PRB2: variants seen among roughly 807,000 people sequenced by gnomAD.
PRB2 encodes basic salivary proline-rich protein 2.
PRB2 carries 12 observed loss-of-function variants against 8.3 expected under a neutral mutation model. The ratio of observed to expected loss-of-function variants is 1.45; its 90% CI spans 0.93 to 2.35. The LOEUF (loss-of-function observed/expected upper bound fraction) is 2.35, where lower values mean the gene tolerates loss of function less well. Among genes scored for constraint, PRB2 ranks in the 30% most tolerant of loss-of-function variants. The pLI is 0.00. For missense variants in PRB2, 470 were observed against 507.0 expected (o/e 0.93, Z 0.70); for synonymous variants, 146 against 180.0 (o/e 0.81, Z 1.51).
Position 11,395,554 on chromosome 12 carries a change from C to G in PRB2, c.-25G>C. On this transcript the variant is annotated 5_prime_UTR_variant, in exon 1 of 4. Transcript: ENST00000389362. ...TCTTGCAGGAGGCTCTGGAGTCACT[C>G]CCAACTCTGTGCTGGGAGGAACGTG... The G allele has an allele frequency of 6.2e-7, 1 of 1,606,360 alleles. No individual in the cohort carries two copies. The highest frequency in any genetic ancestry group is 8.5e-7 in the Non-Finnish European group (1 of 1,174,184).
chr12:11,395,070 G>A (rs1864388731), intron 1 of PRB2, among the ~76,000 whole-genome samples: 1 of 152,110 alleles, frequency 6.6e-6, no homozygotes, highest in Admixed American at 6.6e-5. Context: ...CTCTGATACT[G>A]TGTGTGTCTA....
In PRB2 at chr12:11,393,584, T is replaced by C. The variant is rs1179804194; in HGVS notation, c.494A>G (p.Gln165Arg). 1.3e-6 allele frequency: 2 copies of C among 1,585,736 alleles called. No individual in the cohort carries two copies. The highest frequency in any genetic ancestry group is 2.9e-5 in the African/African-American group (2 of 68,028). Reference sequence around the variant, plus strand: ...AGAACTTCGGGACTTGTTGTCTCCTTGTGGGGGTGGTCCTTGTGGCTTTCC... The same window carrying C: ...AGAACTTCGGGACTTGTTGTCTCCTCGTGGGGGTGGTCCTTGTGGCTTTCC... ...PPGKPQGPPP[Q>R]GDNKSRSSRS... Residue 165 changes from glutamine (Q) to arginine (R), a missense_variant, in exon 3 of 4, where the codon CAA becomes CGA. Physicochemically the swap from Gln to Arg is conservative, Grantham distance 43 (BLOSUM62 1). This residue lies in a region of PRB2 where 211 missense variants were observed against 207.7 expected (regional missense o/e 1.02). Transcript: ENST00000389362.
chr12:11,393,558 G>A lies in PRB2; in HGVS notation c.520C>T (p.Arg174Ter), dbSNP rs755026575. ...CCTTGTGGCTTTCCTGGAGGAGATCGAGAACTTCGGGACTTGTTGTCTCCT... is the reference window on the plus strand; with the variant it reads ...CCTTGTGGCTTTCCTGGAGGAGATCAAGAACTTCGGGACTTGTTGTCTCCT... ...PQGDNKSRSS[R>*]SPPGKPQGPP... The change falls in exon 3 of 4, where the codon CGA (arginine) becomes TGA (stop). Residue 174 changes from arginine (R) to a stop codon, truncating the protein, a stop_gained. Transcript: ENST00000389362. LOFTEE classifies it low-confidence loss of function (END_TRUNC). 11 of 1,595,512 alleles carry A rather than the reference G, an allele frequency of 6.9e-6. No individual in the cohort carries two copies. Among genetic ancestry groups the A allele is most frequent in the East Asian group, 2.3e-5 (1 of 44,030 alleles).
intron 1 of PRB2, 84 bp downstream of exon 1, chr12:11,395,382 A>C: frequency 2.5e-6 from 4 of 1,571,752 alleles, no homozygotes; most frequent in Admixed American, 1.7e-5. Flanking sequence ...CTGTGTTTTC[A>C]TTCTCCTCTC....
chr12:11,393,186 G>C lies in PRB2; in HGVS notation c.892C>G (p.Arg298Gly), dbSNP rs370037117. The change falls in exon 3 of 4, where the codon CGA becomes GGA. Residue 298 changes from arginine to glycine, a missense_variant. By Grantham distance (125) the Arg-to-Gly change is moderately radical (BLOSUM62 -2). Transcript: ENST00000389362. ...CCTTGTGGCTTTCCTGGAGGAGATC[G>C]AGAACTTCGGGACTTGCTGCCTCCT... ...PQGGSKSRSS[R>G]SPPGKPQGPP... 19 of 1,596,008 alleles carry C rather than the reference G, an allele frequency of 1.2e-5. No homozygotes were observed. Among genetic ancestry groups the C allele is most frequent in the Non-Finnish European group, 8.5e-7 (1 of 1,175,422 alleles).
chr12:11,393,330 C>T lies in PRB2; in HGVS notation c.748G>A (p.Gly250Ser), dbSNP rs201541414. Reference sequence around the variant, plus strand: ...GGTGGGGGACCTTGGGGCTGGTTGCCTCCTTGTGGGGGTGGTCCTTGTGGC... The same window carrying T: ...GGTGGGGGACCTTGGGGCTGGTTGCTTCCTTGTGGGGGTGGTCCTTGTGGC... Reference protein sequence around the residue: ...GKPQGPPPQGGNQPQGPPPPP... With the variant: ...GKPQGPPPQGSNQPQGPPPPP... Residue 250 changes from glycine to serine, a missense_variant, in exon 3 of 4, where the codon GGC becomes AGC. Physicochemically the swap from Gly to Ser is moderately conservative, Grantham distance 56. Coordinates refer to ENST00000389362, the MANE Select transcript of PRB2 (RefSeq NM_006248.4). 44 of 1,562,414 alleles carry T rather than the reference C, an allele frequency of 2.8e-5. 1 individual carries two copies. In the African/African-American group the frequency reaches 6.0e-4, roughly 21 times the overall value.
In PRB2 at chr12:11,395,542, T is replaced by C. The variant is rs755788448; in HGVS notation, c.-13A>G. Reference sequence around the variant, plus strand: ...GAATCAACAGCATCTTGCAGGAGGCTCTGGAGTCACTCCCAACTCTGTGCT... The same window carrying C: ...GAATCAACAGCATCTTGCAGGAGGCCCTGGAGTCACTCCCAACTCTGTGCT... On this transcript the variant is annotated 5_prime_UTR_variant, in exon 1 of 4. Transcript: ENST00000389362. 2.2e-5 allele frequency: 35 copies of C among 1,611,200 alleles called. No homozygotes were observed. The highest frequency in any genetic ancestry group is 3.0e-5 in the Non-Finnish European group (35 of 1,178,370).
At position 11,393,581 on chromosome 12, in the gene PRB2, C is replaced by G. The variant is rs770351255; in HGVS notation, c.497G>C (p.Gly166Ala). 1.9e-6 allele frequency: 3 copies of G among 1,588,758 alleles called. No homozygotes were observed. The highest frequency in any genetic ancestry group is 1.5e-5 in the African/African-American group (1 of 68,672). ...TCGAGAACTTCGGGACTTGTTGTCT[C>G]CTTGTGGGGGTGGTCCTTGTGGCTT... Reference protein sequence around the residue: ...PGKPQGPPPQGDNKSRSSRSP... With the variant: ...PGKPQGPPPQADNKSRSSRSP... Residue 166 changes from glycine (G) to alanine (A), a missense_variant, in exon 3 of 4, where the codon GGA (glycine) becomes GCA (alanine). By Grantham distance (60) the Gly-to-Ala change is moderately conservative. This residue lies in a region of PRB2 where 211 missense variants were observed against 207.7 expected (regional missense o/e 1.02). Coordinates refer to ENST00000389362, the MANE Select transcript of PRB2 (RefSeq NM_006248.4).
rs1376570384 is a variant in PRB2, at chr12:11,395,378, T to C, written c.64+88A>G. ...GAAAACTCTGCAGCCCCATCTGTGT[T>C]TTCATTCTCCTCTCTTCCCCGTAAT... On this transcript the variant is annotated intron_variant, in intron 1 of 3. Transcript: ENST00000389362. The C allele has an allele frequency of 3.8e-6, 6 of 1,563,240 alleles. No individual in the cohort carries two copies. In the African/African-American group the frequency reaches 6.8e-5, roughly 18 times the overall value.
At chr12:11,394,551 G>T (rs755522364) in intron 1 of PRB2, 21 bp from the exon 2 acceptor site, 5 of 1,612,422 alleles carry the variant, frequency 3.1e-6, no homozygotes, top group Non-Finnish European at 4.2e-6. Context: ...AGCACAGGAT[G>T]ATGGGAACAG....
intron 2 of PRB2, 77 bp downstream of exon 2, chr12:11,394,418 A>G (rs1203208272): frequency 3.3e-6 from 5 of 1,523,336 alleles, no homozygotes; most frequent in African/African-American, 1.4e-5. Flanking sequence ...AGTTTTGATA[A>G]GAAGACACTG....
chr12:11,393,354 G>T lies in PRB2; in HGVS notation c.724C>A (p.Pro242Thr), dbSNP rs533504091. The T allele has an allele frequency of 5.0e-6, 8 of 1,589,272 alleles. No homozygotes were observed. Among genetic ancestry groups the T allele is most frequent in the South Asian group, 1.1e-5 (1 of 89,780 alleles). ...CCTCCTTGTGGGGGTGGTCCTTGTG[G>T]CTTTCCTGGAGGAGATCGGGCACTT... is the stretch of plus-strand genomic sequence containing the variant. ...SQSARSPPGK[P>T]QGPPPQGGNQ... The change falls in exon 3 of 4, where the codon CCA (proline) becomes ACA (threonine). Residue 242 changes from proline to threonine, a missense_variant. Physicochemically the swap from Pro to Thr is conservative, Grantham distance 38. This residue lies in a region of PRB2 where 205 missense variants were observed against 195.0 expected (regional missense o/e 1.05). Coordinates refer to ENST00000389362, the MANE Select transcript of PRB2 (RefSeq NM_006248.4).
chr12:11,394,094 A>G (rs1395959550), intron 2 of PRB2, 117 bp from the exon 3 acceptor site: 1 of 1,366,664 alleles, frequency 7.3e-7, no homozygotes, highest in Admixed American at 1.9e-5. Flanking sequence ...ACACACAAAA[A>G]TGAGACCAAG....
rs768086724 is a variant in PRB2 at position 11,393,437 on chromosome 12, C to A, written c.641G>T (p.Gly214Val). 2 of 1,310,020 alleles carry A rather than the reference C, an allele frequency of 1.5e-6. No homozygotes were observed. The highest frequency in any genetic ancestry group is 2.7e-5 in the South Asian group (2 of 74,432). The allele number at this position is 1,310,020 out of a possible 1,614,324, so 81.1% of individuals were successfully genotyped here. A position where few individuals can be genotyped will look rare whatever the true frequency, so the allele number is the denominator to read the frequency against. Residue 214 changes from glycine (G) to valine (V), a missense_variant, in exon 3 of 4, where the codon GGT (glycine) becomes GTT (valine). Transcript: ENST00000389362. Reference protein sequence around the residue: ...PPPQGGNKPQGPPPPGKPQGP... With the variant: ...PPPQGGNKPQVPPPPGKPQGP... The stretch of plus-strand genomic sequence containing the variant: ...TTGTGGCTTTCCTGGAGGTGGGGGA[C>A]CTTGAGGTTTGTTGCCTCCTTGTGG...
chr12:11,394,165 A>G (rs999592182), intron 2 of PRB2, among the ~76,000 whole-genome samples, 188 bp from the exon 3 acceptor site: 1 of 152,200 alleles, frequency 6.6e-6, no homozygotes, highest in Non-Finnish European at 1.5e-5. Context: ...GCCAGGGAAG[A>G]ACAAAGCAGT....
Position 11,392,913 on chromosome 12 carries a change from G to A in PRB2, c.1165C>T (p.Gln389Ter). ...GPPPPAGGNP[Q>*]QPQAPPAGQP... ...CCAGCAGGAGGTGCCTGAGGCTGCT[G>A]GGGATTGCCTCCTGCTGGAGGTGGG... Residue 389 changes from glutamine to a stop codon, truncating the protein, a stop_gained, in exon 3 of 4, where the codon CAG (glutamine) becomes TAG (stop). Transcript: ENST00000389362. LOFTEE classifies it low-confidence loss of function (END_TRUNC). 2.5e-6 allele frequency: 4 copies of A among 1,605,348 alleles called. No homozygotes were observed. Among genetic ancestry groups the A allele is most frequent in the Non-Finnish European group, 2.5e-6 (3 of 1,177,526 alleles).
In PRB2 at chr12:11,393,387, T is replaced by G; in HGVS notation, c.691A>C (p.Lys231Gln). Reference protein sequence around the residue: ...PQGPPPQGDNKSQSARSPPGK... With the variant: ...PQGPPPQGDNQSQSARSPPGK... ...GGAGGAGATCGGGCACTTTGGGACT[T>G]GTTGTCTCCTTGTGGGGGTGGTCCT... The change falls in exon 3 of 4, where the codon AAG becomes CAG. Residue 231 changes from lysine to glutamine, a missense_variant. Around this residue, in one of 4 missense-constraint regions of PRB2, gnomAD observed 205 missense variants for 195.0 expected, o/e 1.05. Transcript: ENST00000389362. The G allele has an allele frequency of 6.3e-7, 1 of 1,582,070 alleles. No homozygotes were observed. Among genetic ancestry groups the G allele is most frequent in the South Asian group, 1.1e-5 (1 of 89,606 alleles).
At position 11,391,542 on chromosome 12, in the gene PRB2, G is replaced by C. The variant is rs181694715; in HGVS notation, c.*140C>G. 2.7e-6 allele frequency: 1 copy of C among 376,232 alleles called. No homozygotes were observed. Among genetic ancestry groups the C allele is most frequent in the South Asian group, 2.0e-5 (1 of 49,862 alleles). The allele number at this position is 376,232 out of a possible 1,614,324, so 23.3% of individuals were successfully genotyped here. On this transcript the variant is annotated 3_prime_UTR_variant, in exon 4 of 4. Transcript: ENST00000389362. ...GAAACAGACACCACAATCAGAAATT[G>C]CAAGCTAATTATTTTATTGGTATAC...
intron 1 of PRB2, among the ~76,000 whole-genome samples, chr12:11,395,262 C>A (rs1864391395): frequency 6.6e-6 from 1 of 152,088 alleles, no homozygotes; most frequent in South Asian, 2.1e-4. Flanking sequence ...TCCCCTGGAA[C>A]AAATTCTTTA....
Sources: gnomAD v4.1 joint callset for allele counts (sites outside exome capture counted in the v4.1 genomes callset) on GRCh38, gnomAD v4.1.1 for gene constraint, gnomAD v4.1.1 regional missense constraint, MANE v1.5 for transcripts, NCBI Gene and HGNC (gene_info 2026-07-23, HGNC 2026-07-21) for gene names.